The following RBBP8 variants were observed in gnomAD, a reference collection of about 807,000 sequenced individuals.
RBBP8 encodes DNA endonuclease RBBP8.
Under a neutral mutation model 108.3 loss-of-function variants are expected in RBBP8, and 88 were observed. That is an observed-to-expected ratio of 0.81 (90% CI 0.68 to 0.97). The LOEUF is 0.97. Ranked by LOEUF, RBBP8 falls within the 50% of genes least tolerant of loss-of-function variation. The pLI, the probability that RBBP8 is intolerant of heterozygous loss-of-function variation, is 0.00. For synonymous variants in RBBP8, 332 were observed against 348.2 expected (o/e 0.95, Z 0.52); for missense variants, 1,023 against 1,049.0 (o/e 0.98, Z 0.34).
rs147833917 is a variant in RBBP8, at chr18:22,990,977, A to T, written c.848A>T (p.Tyr283Phe). Residue 283 changes from tyrosine (Y) to phenylalanine (F), a missense_variant, in exon 10 of 19, where the codon TAC becomes TTC. Coordinates refer to ENST00000327155, the MANE Select transcript of RBBP8 (RefSeq NM_002894.3). ...ATGAGCCCCCTTGGTGATGAGCTCT[A>T]CCACTGTCTGGAAGGAAATCACAAG... ...GPMSPLGDEL[Y>F]HCLEGNHKKQ... The T allele has an allele frequency of 1.9e-6, 3 of 1,613,860 alleles. No homozygotes were observed. The highest frequency in any genetic ancestry group is 2.5e-6 in the Non-Finnish European group (3 of 1,179,806).
Position 22,996,373 on chromosome 18 carries a change from G to C in RBBP8, c.1940-1G>C, listed in dbSNP as rs1338209610. 1.2e-6 allele frequency: 2 copies of C among 1,613,352 alleles called. No individual in the cohort carries two copies. Among genetic ancestry groups the C allele is most frequent in the Non-Finnish European group, 1.7e-6 (2 of 1,179,798 alleles). On this transcript the variant is annotated splice_acceptor_variant, in intron 12 of 18. Transcript: ENST00000327155. LOFTEE classifies it high-confidence loss of function. The stretch of plus-strand genomic sequence containing the variant: ...TTGCATGCTCTTTCCCTTTACCTAA[G>C]ATGTATCCTTTGAAAATATCCAGTG...
In RBBP8 at chr18:22,990,899, C is replaced by A; in HGVS notation, c.808-38C>A. ...CATCCCTTTTTAAGAATGAACAAAT[C>A]CCATTACATGGATGTGCTTCATATT... On this transcript the variant is annotated intron_variant, in intron 9 of 18. Coordinates refer to ENST00000327155, the MANE Select transcript of RBBP8 (RefSeq NM_002894.3). The A allele has an allele frequency of 2.1e-6, 3 of 1,453,736 alleles. No individual in the cohort carries two copies. In the South Asian group the frequency reaches 3.5e-5, roughly 17 times the overall value. The allele number at this position is 1,453,736 out of a possible 1,614,324, so 90.1% of individuals were successfully genotyped here. A position where few individuals can be genotyped will look rare whatever the true frequency, so the allele number is the denominator to read the frequency against.
At chr18:22,972,885 TAATA>T (rs540996324) in intron 5 of RBBP8, among the ~76,000 whole-genome samples, 118 of 152,334 alleles carry the variant, frequency 7.7e-4, no homozygotes, top group African/African-American at 2.7e-3. Context: ...GCTTTGCTGA[TAATA>T]AATCTTACAG....
At position 22,942,898 on chromosome 18, in the gene RBBP8, C is replaced by G. The variant is rs536141052; in HGVS notation, c.110-3546C>G. ...CTATGCCAGCGTCTGCTATTAACATCTAGCTAATATATTTTCTGTGTCTAG... is the reference window on the plus strand; with the variant it reads ...CTATGCCAGCGTCTGCTATTAACATGTAGCTAATATATTTTCTGTGTCTAG... On this transcript the variant is annotated intron_variant, in intron 2 of 18. Transcript: ENST00000327155. Among the ~76,000 whole-genome samples the G allele has an allele frequency of 8.5e-5, 13 of 152,134 alleles. No homozygotes were observed. The South Asian group carries it at 2.5e-3, about 29-fold the overall frequency.
At chr18:23,006,238 A>G (rs966023211) in intron 15 of RBBP8, 125 bp from the exon 16 acceptor site, 4 of 798,532 alleles carry the variant, frequency 5.0e-6, no homozygotes, top group Admixed American at 4.4e-5. Flanking sequence ...TGAGTTGCTC[A>G]GAGGCCTGGA....
At chr18:22,929,432 A>C (rs1332660546), upstream of RBBP8, 1 of 151,892 alleles carries the variant, frequency 6.6e-6, no homozygotes, top group Non-Finnish European at 1.4e-5. Flanking sequence ...CAGGGTGGAC[A>C]CAAAGGTGAG....
At chr18:22,949,878 T>TC in intron 4 of RBBP8, 165 bp downstream of exon 4, 1 of 593,384 alleles carries the variant, frequency 1.7e-6, no homozygotes, top group South Asian at 2.1e-5. Flanking sequence ...TTCTTTAAGA[T>TC]TTTCATTAAT....
chr18:23,014,260 T>C (rs2046220340), intron 16 of RBBP8, among the ~76,000 whole-genome samples: 1 of 152,174 alleles, frequency 6.6e-6, no homozygotes, highest in Non-Finnish European at 1.5e-5. Flanking sequence ...CGTATCGTTC[T>C]GCAGACTGGA....
intron 10 of RBBP8, among the ~76,000 whole-genome samples, chr18:22,991,514 C>T (rs1402768255): frequency 6.6e-6 from 1 of 152,140 alleles, no homozygotes; most frequent in Non-Finnish European, 1.5e-5. Context: ...CCATGGGTAC[C>T]AAAATCCAAA....
rs1169553930 is a variant in RBBP8 at position 23,022,672 on chromosome 18, T to TAAAAAAATAAAATAAAAAA, written c.2596+404_2596+405insAAAAATAAAATAAAAAAAA. ...ACAATATAAAATAAAATAAAATAAA[T>TAAAAAAATAAAATAAAAAA]AACTGTATATGCCCAAATGTGAACA... On this transcript the variant is annotated intron_variant, in intron 18 of 18. Coordinates refer to ENST00000327155, the MANE Select transcript of RBBP8 (RefSeq NM_002894.3). Among the ~76,000 whole-genome samples the TAAAAAAATAAAATAAAAAA allele has an allele frequency of 9.3e-5, 11 of 117,818 alleles. 1 individual carries two copies. Among genetic ancestry groups the TAAAAAAATAAAATAAAAAA allele is most frequent in the African/African-American group, 3.0e-4 (10 of 33,138 alleles). 77.3% of individuals were successfully genotyped at this position (117,818 alleles called of 152,430 possible).
chr18:22,943,764 A>T (rs569138065), intron 2 of RBBP8, among the ~76,000 whole-genome samples: 1 of 152,176 alleles, frequency 6.6e-6, no homozygotes, highest in Non-Finnish European at 1.5e-5. Flanking sequence ...ATGACAGTAC[A>T]TACATTTTAT....
chr18:22,947,729 C>T (rs1284133014), intron 3 of RBBP8, among the ~76,000 whole-genome samples: 1 of 152,060 alleles, frequency 6.6e-6, no homozygotes, highest in East Asian at 1.9e-4. Context: ...TTTGAAATTG[C>T]ATGACTCTTT....
chr18:22,953,035 A>G (rs912197949), intron 4 of RBBP8, among the ~76,000 whole-genome samples: 1 of 152,228 alleles, frequency 6.6e-6, no homozygotes, highest in Non-Finnish European at 1.5e-5. Flanking sequence ...CATCAATAAG[A>G]CTTTGGACAC....
In RBBP8 at chr18:22,968,839, A is replaced by G. The variant is rs775759708; in HGVS notation, c.282A>G (p.Val94=). The G allele has an allele frequency of 8.1e-6, 13 of 1,613,624 alleles. No homozygotes were observed. Among genetic ancestry groups the G allele is most frequent in the Non-Finnish European group, 1.1e-5 (13 of 1,179,670 alleles). The change falls in exon 5 of 19, where the codon GTA becomes GTG. Residue 94 remains valine, a synonymous_variant. Transcript: ENST00000327155. ...LRAGLCDRCA[V]TEEHMRKKQQ... Reference sequence around the variant, plus strand: ...CAGGCTTATGTGATCGCTGTGCAGTAACTGAAGAACATATGCGGAAAAAAC... The same window carrying G: ...CAGGCTTATGTGATCGCTGTGCAGTGACTGAAGAACATATGCGGAAAAAAC...
chr18:22,952,938 T>G (rs901362016), intron 4 of RBBP8, among the ~76,000 whole-genome samples: 1 of 152,246 alleles, frequency 6.6e-6, no homozygotes, highest in African/African-American at 2.4e-5. Flanking sequence ...TTAGGAATGC[T>G]TTTTGTTCCA....
At chr18:22,928,752 C>T (rs1909886996), upstream of RBBP8, among the ~76,000 whole-genome samples, 1 of 151,916 alleles carries the variant, frequency 6.6e-6, no homozygotes, top group African/African-American at 2.4e-5. Flanking sequence ...TCACCACAAC[C>T]TCCGCCTCCT....
chr18:22,924,006 A>G (rs80146633), intron 3 of RBBP8, among the ~76,000 whole-genome samples: 4,102 of 152,282 alleles, frequency 0.027, 401 homozygotes, highest in East Asian at 0.22. Context: ...TTTCACTCCA[A>G]TCCTGACTGA....
At chr18:23,001,518 G>A (rs2045946625) in intron 14 of RBBP8, 68 bp from the exon 15 acceptor site, 3 of 1,571,190 alleles carry the variant, frequency 1.9e-6, no homozygotes, top group Non-Finnish European at 2.6e-6. Flanking sequence ...AGTTACTACA[G>A]TTTCATGATG....
chr18:22,980,991 G>A (rs1160854538), intron 6 of RBBP8, among the ~76,000 whole-genome samples: 1 of 5,202 alleles, frequency 1.9e-4, no homozygotes. Context: ...TTTTTTTTTT[G>A]AGACGGAGTC....
Sources: gnomAD v4.1 joint callset for allele counts (sites outside exome capture counted in the v4.1 genomes callset) on GRCh38, gnomAD v4.1.1 for gene constraint, MANE v1.5 for transcripts, NCBI Gene and HGNC (gene_info 2026-07-23, HGNC 2026-07-21) for gene names.